Variants in ARHGEF10L observed in about 807,000 individuals in gnomAD.
ARHGEF10L encodes Rho guanine nucleotide exchange factor 10 like.
In ARHGEF10L, 69 loss-of-function variants were observed where a neutral mutation model predicts 141.2. The ratio of observed to expected loss-of-function variants is 0.49; its 90% CI spans 0.40 to 0.60. ARHGEF10L has a LOEUF of 0.60. Ranked by LOEUF, ARHGEF10L falls within the 20% of genes least tolerant of loss-of-function variation. ARHGEF10L has a pLI of 0.00. For missense variants in ARHGEF10L, 1,482 were observed against 1,734.3 expected (o/e 0.85, Z 2.58); for synonymous variants, 711 against 718.5 (o/e 0.99, Z 0.17).
chr1:17,580,702 GC>G lies in ARHGEF10L; in HGVS notation c.37+72del, dbSNP rs1044233537. The G allele has an allele frequency of 3.8e-6, 6 of 1,593,738 alleles. No homozygotes were observed. In the African/African-American group the frequency reaches 6.7e-5, roughly 18 times the overall value. ...GGGGGCCGCTGGGGGCCGGCGGAGG[GC>G]CTTGCTCTGGAGCAGCATGGCGCCG... On this transcript the variant is annotated intron_variant, in intron 2 of 28. Coordinates refer to ENST00000361221, the MANE Select transcript of ARHGEF10L (RefSeq NM_018125.4).
intron 7 of ARHGEF10L, among the ~76,000 whole-genome samples, chr1:17,611,416 A>G (rs192591304): frequency 1.4e-4 from 21 of 152,290 alleles, no homozygotes; most frequent in African/African-American, 4.6e-4. Flanking sequence ...CAGTACCCTA[A>G]GTGGTCAGTA....
intron 22 of ARHGEF10L, among the ~76,000 whole-genome samples, chr1:17,650,111 A>G (rs2061830045): frequency 6.6e-6 from 1 of 152,288 alleles, no homozygotes; most frequent in African/African-American, 2.4e-5. Flanking sequence ...TGAATTGCAG[A>G]TAAGAATGGA....
the ARHGEF10L span, among the ~76,000 whole-genome samples, chr1:17,515,800 G>A: frequency 2.8e-4 from 42 of 152,212 alleles, no homozygotes; most frequent in South Asian, 1.9e-3. Flanking sequence ...GCACCACCAT[G>A]CCTGGCTAAC....
At chr1:17,674,602 C>T (rs1445698690) in intron 26 of ARHGEF10L, among the ~76,000 whole-genome samples, 1 of 152,184 alleles carries the variant, frequency 6.6e-6, no homozygotes, top group Non-Finnish European at 1.5e-5. Context: ...AGCGGGAGGG[C>T]CCCTGAGAAG....
intron 25 of ARHGEF10L, among the ~76,000 whole-genome samples, chr1:17,658,077 A>G (rs921715886): frequency 1.3e-5 from 2 of 152,244 alleles, no homozygotes; most frequent in African/African-American, 4.8e-5. Context: ...CAGCTGCTTC[A>G]GGTGTTTCCT....
chr1:17,695,657 G>A (rs916202324), intron 28 of ARHGEF10L, among the ~76,000 whole-genome samples: 24 of 152,328 alleles, frequency 1.6e-4, no homozygotes, highest in Admixed American at 7.2e-4. Flanking sequence ...TGCTCGTGGG[G>A]TCCATGTGCA....
At chr1:17,600,445 G>T (rs533782481) in intron 4 of ARHGEF10L, among the ~76,000 whole-genome samples, 1 of 152,258 alleles carries the variant, frequency 6.6e-6, no homozygotes, top group East Asian at 1.9e-4. Flanking sequence ...ATTCACGTTA[G>T]AATAGCTTTA....
At chr1:17,535,693 C>T (rs1333392692), upstream of ARHGEF10L, among the ~76,000 whole-genome samples, 3 of 152,210 alleles carry the variant, frequency 2.0e-5, no homozygotes, top group Non-Finnish European at 2.9e-5. Context: ...ACAATAAATC[C>T]TGCCCTCACC....
chr1:17,643,652 T>C (rs1240667740), intron 21 of ARHGEF10L, among the ~76,000 whole-genome samples: 2 of 152,166 alleles, frequency 1.3e-5, no homozygotes, highest in African/African-American at 4.8e-5. Flanking sequence ...AAACTAACTC[T>C]GAGATGCCTT....
the ARHGEF10L span, among the ~76,000 whole-genome samples, chr1:17,526,014 A>G: frequency 1.5e-3 from 226 of 151,780 alleles, 1 homozygote; most frequent in African/African-American, 5.3e-3. Flanking sequence ...AAAAAAAAAA[A>G]AAAAGAAAAG....
chr1:17,567,654 C>T (rs2077817160), intron 1 of ARHGEF10L, among the ~76,000 whole-genome samples: 1 of 152,190 alleles, frequency 6.6e-6, no homozygotes, highest in Non-Finnish European at 1.5e-5. Flanking sequence ...AGGCGTGAAC[C>T]ACTGTGACCA....
chr1:17,694,533 A>G (rs952616398), intron 27 of ARHGEF10L: 1 of 211,206 alleles, frequency 4.7e-6, no homozygotes, highest in African/African-American at 2.4e-5. Context: ...GCTAAAAAGA[A>G]TGAATCTGGA....
At chr1:17,630,908 T>G (rs2060642128) in intron 15 of ARHGEF10L, among the ~76,000 whole-genome samples, 1 of 147,344 alleles carries the variant, frequency 6.8e-6, no homozygotes, top group Non-Finnish European at 1.5e-5. Flanking sequence ...CTCCTGGGGA[T>G]GCCTGGGGGT....
At chr1:17,641,580 G>A (rs2061331173) in intron 21 of ARHGEF10L, among the ~76,000 whole-genome samples, 1 of 152,118 alleles carries the variant, frequency 6.6e-6, no homozygotes. Flanking sequence ...CCAAGATCAT[G>A]CCACTGCACT....
At chr1:17,689,471 CTGCCTCCTTCCCCTA>C (rs1369511236) in intron 27 of ARHGEF10L, among the ~76,000 whole-genome samples, 1 of 5,014 alleles carries the variant, frequency 2.0e-4, no homozygotes, top group Non-Finnish European at 4.4e-4. Context: ...CCCTCCCTCC[CTGCCTCCTTCCCCTA>C]CCTCCCTCTC....
chr1:17,625,576 G>T lies in ARHGEF10L; in HGVS notation c.1318-380G>T, dbSNP rs983807082. ...ATGGATGCAAGAGACAGGACAGAAG[G>T]TCCCCCTGTGCCCCGCCCCTTACCC... is the stretch of plus-strand genomic sequence containing the variant. On this transcript the variant is annotated intron_variant, in intron 13 of 28. Coordinates refer to ENST00000361221, the MANE Select transcript of ARHGEF10L (RefSeq NM_018125.4). The surrounding 1 kb of genome is among the most constrained non-coding windows in gnomAD (Gnocchi z 4.5). Among the ~76,000 whole-genome samples the T allele has an allele frequency of 6.6e-6, 1 of 152,152 alleles. No homozygotes were observed. Among genetic ancestry groups the T allele is most frequent in the African/African-American group, 2.4e-5 (1 of 41,412 alleles).
rs35934728 is a variant in ARHGEF10L at position 17,655,950 on chromosome 1, C to T, written c.2553C>T (p.Thr851=). 1.3e-4 allele frequency: 206 copies of T among 1,561,134 alleles called. No individual in the cohort carries two copies. The highest frequency in any genetic ancestry group is 2.0e-4 in the Middle Eastern group (1 of 5,104). ...IFSLNRPSPR[T]VKSFPLAAPV... is the part of the protein sequence containing the mutation. ...CCTTGAACCGGCCCTCGCCCCGCAC[C>T]GTCAAGTCCTTCCCACTGGCAGCCC... The change falls in exon 24 of 29, where the codon ACC becomes ACT. Residue 851 remains threonine, a synonymous_variant. Transcript: ENST00000361221.
In ARHGEF10L at chr1:17,615,873, A is replaced by C; in HGVS notation, c.727-221A>C. 1.9e-6 allele frequency: 1 copy of C among 532,120 alleles called. No homozygotes were observed. Among genetic ancestry groups the C allele is most frequent in the Non-Finnish European group, 3.4e-6 (1 of 289,916 alleles). The allele number at this position is 532,120 out of a possible 1,614,324, so 33.0% of individuals were successfully genotyped here. ...ACATAGTCTGTCCTGAAAGGAAAAA[A>C]ATCGGTTACAGCCTCCTGTTGCCCC... On this transcript the variant is annotated intron_variant, in intron 8 of 28. Transcript: ENST00000361221. This position sits in a 1 kb window ranked among gnomAD's most constrained non-coding sequence, Gnocchi z 4.7.
chr1:17,670,950 C>T (rs1370523427), intron 26 of ARHGEF10L, among the ~76,000 whole-genome samples: 1 of 152,262 alleles, frequency 6.6e-6, no homozygotes, highest in Non-Finnish European at 1.5e-5. Context: ...AGTGAAGCCA[C>T]CCTGACTGCT....
Sources: allele counts gnomAD v4.1 joint callset (sites outside exome capture counted in the v4.1 genomes callset), GRCh38; gene constraint gnomAD v4.1.1; non-coding constraint Gnocchi (gnomAD v3.1); transcripts MANE v1.5; gene names NCBI Gene and HGNC (gene_info 2026-07-23, HGNC 2026-07-21).